Variants in TTK observed in about 807,000 individuals in gnomAD.
TTK encodes the protein TTK protein kinase.
TTK carries 59 observed loss-of-function variants against 117.3 expected under a neutral mutation model. That is an observed-to-expected ratio of 0.50 (90% CI 0.41 to 0.62). The LOEUF is 0.62. Among genes scored for constraint, TTK ranks in the 20% least tolerant of loss-of-function variants. The probability of loss-of-function intolerance (pLI) is 0.00; values close to 1 mark genes in which losing one functional copy is unlikely to be tolerated. For synonymous variants in TTK, 302 were observed against 325.0 expected (o/e 0.93, Z 0.76); for missense variants, 921 against 989.4 (o/e 0.93, Z 0.93).
At chr6:80,009,922 C>G (rs1284618872) in intron 4 of TTK, among the ~76,000 whole-genome samples, 1 of 151,982 alleles carries the variant, frequency 6.6e-6, no homozygotes, top group African/African-American at 2.4e-5. Flanking sequence ...GCTTCTTAAG[C>G]CTTTCTCTCT....
At chr6:80,034,599 A>C (rs908025219) in intron 14 of TTK, among the ~76,000 whole-genome samples, 3 of 152,182 alleles carry the variant, frequency 2.0e-5, no homozygotes, top group African/African-American at 7.2e-5. Context: ...AGTAGTTGGG[A>C]TTAAAGGAGC....
At chr6:80,022,252 G>A in intron 10 of TTK, 72 bp from the exon 11 acceptor site, 3 of 1,478,476 alleles carry the variant, frequency 2.0e-6, no homozygotes, top group Non-Finnish European at 2.7e-6. Flanking sequence ...TTTGTAATAT[G>A]TTCTGTTGTT....
At chr6:80,037,814 C>G (rs572077457) in intron 17 of TTK, 153 bp from the exon 18 acceptor site, 2 of 314,100 alleles carry the variant, frequency 6.4e-6, no homozygotes, top group South Asian at 1.1e-4. Flanking sequence ...TATAATTACC[C>G]AAGTTTCCAA....
intron 18 of TTK, among the ~76,000 whole-genome samples, chr6:80,038,845 G>A (rs1056500687): frequency 6.6e-6 from 1 of 152,042 alleles, no homozygotes; most frequent in Admixed American, 6.6e-5. Flanking sequence ...TAAATAAGCA[G>A]TTCCTGACTT....
intron 11 of TTK, among the ~76,000 whole-genome samples, chr6:80,024,051 C>T (rs1295872418): frequency 6.6e-6 from 1 of 152,028 alleles, no homozygotes; most frequent in Non-Finnish European, 1.5e-5. Flanking sequence ...CAAAGCAAAA[C>T]CATAATTAGA....
At chr6:80,031,822 T>C (rs1185330167) in intron 14 of TTK, among the ~76,000 whole-genome samples, 1 of 152,098 alleles carries the variant, frequency 6.6e-6, no homozygotes, top group Non-Finnish European at 1.5e-5. Context: ...ACAAAAACAT[T>C]GACATGGGGT....
chr6:80,036,607 T>C lies in TTK; in HGVS notation c.2049+8T>C. 5.0e-6 allele frequency: 8 copies of C among 1,602,476 alleles called. No individual in the cohort carries two copies. Among genetic ancestry groups the C allele is most frequent in the Non-Finnish European group, 6.8e-6 (8 of 1,175,188 alleles). On this transcript the variant is annotated splice_region_variant and intron_variant, in intron 17 of 21. Coordinates refer to ENST00000369798, the MANE Select transcript of TTK (RefSeq NM_003318.5). Reference sequence around the variant, plus strand: ...GTTGTTAAAGATTCTCAGGTAAGACTTAATGTTGGTTCTCTCACAGTAGAG... The same window carrying C: ...GTTGTTAAAGATTCTCAGGTAAGACCTAATGTTGGTTCTCTCACAGTAGAG...
At chr6:80,018,158 G>A (rs1342260998) in intron 10 of TTK, among the ~76,000 whole-genome samples, 2 of 151,628 alleles carry the variant, frequency 1.3e-5, no homozygotes, top group Non-Finnish European at 2.9e-5. Flanking sequence ...ACTCCAGCCT[G>A]GGTGACAGAA....
rs759872886 is a variant in TTK at position 80,008,434 on chromosome 6, A to G, written c.411A>G (p.Ala137=). 6.2e-7 allele frequency: 1 copy of G among 1,612,614 alleles called. No homozygotes were observed. The highest frequency in any genetic ancestry group is 1.1e-5 in the South Asian group (1 of 90,956). Reference sequence around the variant, plus strand: ...GTGACTACTTTCAAATGGCCAGAGCAAACTGCAAGAAATTTGCTTTTGTTC... The same window carrying G: ...GTGACTACTTTCAAATGGCCAGAGCGAACTGCAAGAAATTTGCTTTTGTTC... ...DARDYFQMAR[A]NCKKFAFVHI... The change falls in exon 4 of 22, where the codon GCA becomes GCG. Residue 137 remains alanine, a synonymous_variant. Coordinates refer to ENST00000369798, the MANE Select transcript of TTK (RefSeq NM_003318.5).
At position 80,005,809 on chromosome 6, in the gene TTK, G is replaced by A. The variant is rs376651027; in HGVS notation, c.-2-33G>A. On this transcript the variant is annotated intron_variant, in intron 1 of 21. Transcript: ENST00000369798. ...ATTTTTTTCTTTGATGCTAGTTAAA[G>A]TAGGAGTTATGACTGTTCAGTTTTT... is the stretch of plus-strand genomic sequence containing the variant. 6.9e-6 allele frequency: 11 copies of A among 1,592,970 alleles called. No individual in the cohort carries two copies. In the African/African-American group the frequency reaches 1.2e-4, roughly 18 times the overall value.
intron 18 of TTK, among the ~76,000 whole-genome samples, chr6:80,038,397 A>G (rs1007591878): frequency 4.6e-5 from 7 of 151,850 alleles, no homozygotes; most frequent in Admixed American, 6.6e-5. Flanking sequence ...TCCCAGGCTA[A>G]CCCTTCTTTC....
chr6:80,023,127 T>C (rs1208082333), intron 11 of TTK, among the ~76,000 whole-genome samples: 3 of 152,220 alleles, frequency 2.0e-5, no homozygotes, highest in African/African-American at 7.2e-5. Flanking sequence ...CAGTGACTTG[T>C]AGTAAATATA....
At position 80,040,178 on chromosome 6, in the gene TTK, AT is replaced by A; in HGVS notation, c.2308-17del. On this transcript the variant is annotated splice_polypyrimidine_tract_variant and intron_variant, in intron 19 of 21. Coordinates refer to ENST00000369798, the MANE Select transcript of TTK (RefSeq NM_003318.5). The stretch of plus-strand genomic sequence containing the variant: ...AAACCTGCTTTGTTTTTCTTTTAAA[AT>A]ATCTTTGTTTTAATAGTGTTGTTTA... The A allele has an allele frequency of 6.5e-7, 1 of 1,527,910 alleles. No individual in the cohort carries two copies. The allele number at this position is 1,527,910 out of a possible 1,614,324, so 94.6% of individuals were successfully genotyped here.
In TTK at chr6:80,035,130, G is replaced by T; in HGVS notation, c.1760G>T (p.Arg587Leu). The T allele has an allele frequency of 6.4e-7, 1 of 1,552,022 alleles. No homozygotes were observed. Among genetic ancestry groups the T allele is most frequent in the South Asian group, 1.2e-5 (1 of 80,176 alleles). ...CAACAACACAGTGATAAGATCATCC[G>T]ACTTTATGATTAGTAAGAATTCTTT... ...KLQQHSDKII[R>L]LYDYEITDQY... Residue 587 changes from arginine to leucine, a missense_variant, in exon 15 of 22, where the codon CGA (arginine) becomes CTA (leucine). By Grantham distance (102) the Arg-to-Leu change is moderately radical (BLOSUM62 -2). Coordinates refer to ENST00000369798, the MANE Select transcript of TTK (RefSeq NM_003318.5).
chr6:80,039,242 A>G (rs573092958), intron 18 of TTK, among the ~76,000 whole-genome samples: 81 of 152,132 alleles, frequency 5.3e-4, no homozygotes, highest in African/African-American at 1.9e-3. Context: ...GTTCTATAGT[A>G]TATGTGCTTG....
rs983239915 is a variant in TTK, at chr6:80,040,106, A to G, written c.2308-90A>G. ...GTGGGATATCTAAAAAGTAACTTTTATAATATAATGTAATCTGGAAAAATA... is the reference window on the plus strand; with the variant it reads ...GTGGGATATCTAAAAAGTAACTTTTGTAATATAATGTAATCTGGAAAAATA... On this transcript the variant is annotated intron_variant, in intron 19 of 21. Coordinates refer to ENST00000369798, the MANE Select transcript of TTK (RefSeq NM_003318.5). 3.6e-6 allele frequency: 4 copies of G among 1,112,082 alleles called. No homozygotes were observed. In the African/African-American group the frequency reaches 6.6e-5, roughly 18 times the overall value. 68.9% of individuals were successfully genotyped at this position (1,112,082 alleles called of 1,614,324 possible). A position where few individuals can be genotyped will look rare whatever the true frequency, so the allele number is the denominator to read the frequency against.
chr6:80,022,372 A>G lies in TTK; in HGVS notation c.1157A>G (p.Gln386Arg), dbSNP rs368838577. ...GAGGTTCCAGAGAGTAACCAGAAAC[A>G]GTGGCAATCTAAGAGAAAGTCAGAG... ...EPEVPESNQKQWQSKRKSECI... is the reference protein window; with the variant it reads ...EPEVPESNQKRWQSKRKSECI... Residue 386 changes from glutamine (Q) to arginine (R), a missense_variant, in exon 11 of 22, where the codon CAG (glutamine) becomes CGG (arginine). Coordinates refer to ENST00000369798, the MANE Select transcript of TTK (RefSeq NM_003318.5). 13 of 1,613,888 alleles carry G rather than the reference A, an allele frequency of 8.1e-6. No homozygotes were observed. The highest frequency in any genetic ancestry group is 1.3e-5 in the African/African-American group (1 of 74,922).
At chr6:80,031,837 A>C (rs1006723801) in intron 14 of TTK, among the ~76,000 whole-genome samples, 4 of 152,192 alleles carry the variant, frequency 2.6e-5, no homozygotes, top group African/African-American at 4.8e-5. Context: ...TGGGGTAGCG[A>C]ATGACCACTA....
intron 13 of TTK, among the ~76,000 whole-genome samples, chr6:80,030,396 T>C (rs188450634): frequency 6.6e-6 from 1 of 152,324 alleles, no homozygotes; most frequent in East Asian, 1.9e-4. Context: ...AAAAATTAAG[T>C]AACTTGTTGA....
Sources: gnomAD v4.1 joint callset for allele counts (sites outside exome capture counted in the v4.1 genomes callset) on GRCh38, gnomAD v4.1.1 for gene constraint, MANE v1.5 for transcripts, NCBI Gene and HGNC (gene_info 2026-07-23, HGNC 2026-07-21) for gene names.